Variants in FOXP1 observed in about 807,000 individuals in gnomAD.
The protein encoded by FOXP1 is forkhead box protein P1.
A neutral mutation model predicts 98.2 loss-of-function variants in FOXP1; 15 were observed. That is an observed-to-expected ratio of 0.15 (90% confidence interval 0.10 to 0.24). FOXP1 has a LOEUF of 0.24. Among genes scored for constraint, FOXP1 ranks in the 10% least tolerant of loss-of-function variants. The probability of loss-of-function intolerance (pLI) is 1.00; values close to 1 mark genes in which losing one functional copy is unlikely to be tolerated. For missense variants in FOXP1, 633 were observed against 848.5 expected, an observed-to-expected ratio of 0.75 and a Z score of 3.15; for synonymous variants, 371 against 314.5, an observed-to-expected ratio of 1.18 and a Z score of -1.90.
At chr3:71,364,822 G>A (rs373054357) in intron 3 of FOXP1, among the ~76,000 whole-genome samples, 11 of 152,304 alleles carry the variant, frequency 7.2e-5, no homozygotes, top group African/African-American at 2.6e-4. Context: ...AATAAATGTT[G>A]AGATCATATT....
intron 5 of FOXP1, among the ~76,000 whole-genome samples, chr3:71,282,691 A>T (rs928908011): frequency 6.6e-6 from 1 of 152,150 alleles, no homozygotes; most frequent in Admixed American, 6.5e-5. Flanking sequence ...CAGGCCCCCA[A>T]CCCAAGATGG....
chr3:71,047,096 C>T lies in FOXP1; in HGVS notation c.511-1G>A. ...ACTGCTGGGTAGCCACCTGCTGTTG[C>T]TGTAAGAAATCAGGAAGAAAAAATG... is the stretch of plus-strand genomic sequence containing the variant. On this transcript the variant is annotated splice_acceptor_variant, in intron 9 of 20. Coordinates refer to ENST00000649528, the MANE Select transcript of FOXP1 (RefSeq NM_001349338.3). LOFTEE classifies it high-confidence loss of function. The T allele has an allele frequency of 1.2e-6, 2 of 1,613,884 alleles. No individual in the cohort carries two copies. Among genetic ancestry groups the T allele is most frequent in the Non-Finnish European group, 1.7e-6 (2 of 1,179,902 alleles).
chr3:71,044,510 T>C (rs535013300), intron 10 of FOXP1, among the ~76,000 whole-genome samples: 14 of 152,292 alleles, frequency 9.2e-5, no homozygotes, highest in Admixed American at 3.3e-4. Flanking sequence ...CATTTCCTAT[T>C]ATAAAACCTT....
chr3:71,197,984 G>A (rs747718864), intron 6 of FOXP1: 3 of 1,614,106 alleles, frequency 1.9e-6, no homozygotes, highest in Non-Finnish European at 1.7e-6. Flanking sequence ...GGGACCTGCA[G>A]GACTTCCAAC....
At chr3:70,998,311 C>G (rs1462482204) in intron 13 of FOXP1, among the ~76,000 whole-genome samples, 1 of 152,132 alleles carries the variant, frequency 6.6e-6, no homozygotes, top group Non-Finnish European at 1.5e-5. Flanking sequence ...TATAATTTTA[C>G]GCATGGACAC....
intron 6 of FOXP1, among the ~76,000 whole-genome samples, chr3:71,142,717 T>C (rs1445027631): frequency 6.6e-6 from 1 of 152,176 alleles, no homozygotes; most frequent in African/African-American, 2.4e-5. Context: ...GAGGAATCAG[T>C]GCAGCTTCCA....
intron 5 of FOXP1, among the ~76,000 whole-genome samples, chr3:71,261,961 G>A (rs1260246240): frequency 6.6e-6 from 1 of 151,948 alleles, no homozygotes; most frequent in African/African-American, 2.4e-5. Flanking sequence ...CCATTTGTTT[G>A]CTGAACAAAT....
At chr3:71,004,433 G>A (rs1032146803) in intron 12 of FOXP1, among the ~76,000 whole-genome samples, 12 of 151,914 alleles carry the variant, frequency 7.9e-5, no homozygotes, top group Non-Finnish European at 1.6e-4. Flanking sequence ...ATTTTCTTCC[G>A]TAACACCAAT....
chr3:71,292,819 C>T (rs759981322), intron 5 of FOXP1, among the ~76,000 whole-genome samples: 2 of 152,030 alleles, frequency 1.3e-5, no homozygotes, highest in Non-Finnish European at 2.9e-5. Context: ...TTTTTCTTCC[C>T]GACCCCATGC....
chr3:71,072,152 T>A (rs539393176), intron 7 of FOXP1, among the ~76,000 whole-genome samples: 6 of 152,128 alleles, frequency 3.9e-5, no homozygotes, highest in African/African-American at 1.4e-4. Context: ...CAAGACCCTG[T>A]CTCTAAAATA....
chr3:71,433,898 C>T (rs1427863355), intron 3 of FOXP1, among the ~76,000 whole-genome samples: 2 of 152,210 alleles, frequency 1.3e-5, no homozygotes, highest in Non-Finnish European at 2.9e-5. Flanking sequence ...ATCGCATCAG[C>T]CACAGATCCA....
intron 3 of FOXP1, among the ~76,000 whole-genome samples, chr3:71,492,443 T>G (rs2091130691): frequency 6.8e-6 from 1 of 146,042 alleles, no homozygotes; most frequent in South Asian, 2.2e-4. Flanking sequence ...ATTGGGAAAC[T>G]CCGTCTCCAA....
intron 5 of FOXP1, among the ~76,000 whole-genome samples, chr3:71,246,946 G>A (rs1244516828): frequency 2.6e-5 from 4 of 152,114 alleles, no homozygotes; most frequent in African/African-American, 9.7e-5. Context: ...CACAATACTC[G>A]ATTTTCCAGT....
intron 5 of FOXP1, among the ~76,000 whole-genome samples, chr3:71,244,332 CT>C (rs1244235436): frequency 6.6e-6 from 1 of 152,114 alleles, no homozygotes; most frequent in Non-Finnish European, 1.5e-5. Flanking sequence ...TCTCTCCCCC[CT>C]CTTTTAGGTC....
intron 14 of FOXP1, among the ~76,000 whole-genome samples, chr3:70,980,882 C>T (rs541309016): frequency 9.2e-5 from 14 of 152,302 alleles, no homozygotes; most frequent in Middle Eastern, 6.8e-3. Flanking sequence ...CTATACTTCT[C>T]GGCTTCTCTT....
chr3:71,446,137 C>T lies in FOXP1; in HGVS notation c.-168+47289G>A, dbSNP rs1485337514. Among the ~76,000 whole-genome samples the T allele has an allele frequency of 2.0e-5, 3 of 152,306 alleles. No individual in the cohort carries two copies. In the East Asian group the frequency reaches 5.8e-4, roughly 29 times the overall value. ...ACGATGGCCAAAGCAGAAGACAGTT[C>T]TTGCCCTTCTCTGAGAAGCCTGGGC... is the stretch of plus-strand genomic sequence containing the variant. On this transcript the variant is annotated intron_variant, in intron 3 of 20. Transcript: ENST00000649528.
chr3:71,482,630 C>G (rs994059678), intron 3 of FOXP1, among the ~76,000 whole-genome samples: 4 of 151,966 alleles, frequency 2.6e-5, no homozygotes, highest in Non-Finnish European at 1.5e-5. Flanking sequence ...GAACTCCTGA[C>G]CTCAGGTGAT....
chr3:71,042,328 G>A (rs1046289155), intron 10 of FOXP1, among the ~76,000 whole-genome samples: 3 of 152,074 alleles, frequency 2.0e-5, no homozygotes, highest in African/African-American at 7.2e-5. Context: ...GGGTTTTAAG[G>A]AGTGAATCCA....
intron 4 of FOXP1, among the ~76,000 whole-genome samples, chr3:71,310,905 G>A (rs2074635425): frequency 6.6e-6 from 1 of 152,206 alleles, no homozygotes. Flanking sequence ...GGCCACATCT[G>A]GCTCTTGGCG....
Sources: allele counts gnomAD v4.1 joint callset (sites outside exome capture counted in the v4.1 genomes callset), GRCh38; gene constraint gnomAD v4.1.1; transcripts MANE v1.5; gene names NCBI Gene and HGNC (gene_info 2026-07-23, HGNC 2026-07-21).